Variants in GRM8 observed in about 807,000 individuals in gnomAD.
The protein encoded by GRM8 is metabotropic glutamate receptor 8.
In GRM8, 47 loss-of-function variants were observed where a neutral mutation model predicts 87.2. That is an observed-to-expected ratio of 0.54 (90% CI 0.43 to 0.69). GRM8 has a LOEUF of 0.69. GRM8 is among the 30% of genes least tolerant of loss of function. GRM8 has a pLI of 0.00. For synonymous variants in GRM8, 396 were observed against 404.5 expected, an observed-to-expected ratio of 0.98 and a Z score of 0.25; for missense variants, 1,019 against 1,139.2, an observed-to-expected ratio of 0.89 and a Z score of 1.52.
At chr7:126,609,058 C>T (rs1208839771) in intron 8 of GRM8, among the ~76,000 whole-genome samples, 2 of 151,916 alleles carry the variant, frequency 1.3e-5, no homozygotes, top group African/African-American at 2.4e-5. Flanking sequence ...CACAGACATA[C>T]AAAAAATGTA....
intron 9 of GRM8, among the ~76,000 whole-genome samples, chr7:126,504,604 C>G (rs1428697273): frequency 6.6e-6 from 1 of 151,984 alleles, no homozygotes; most frequent in African/African-American, 2.4e-5. Context: ...CCATGACACA[C>G]AATTTACCTA....
chr7:126,980,395 C>A (rs1051169281), intron 3 of GRM8, among the ~76,000 whole-genome samples: 1 of 152,202 alleles, frequency 6.6e-6, no homozygotes, highest in Non-Finnish European at 1.5e-5. Flanking sequence ...ATTTTGGTTT[C>A]ATTCAAGTGG....
chr7:127,102,132 A>C (rs1825339224), intron 3 of GRM8, among the ~76,000 whole-genome samples: 1 of 152,232 alleles, frequency 6.6e-6, no homozygotes, highest in Admixed American at 6.5e-5. Context: ...TCTATGCAGC[A>C]AAGCATTCAA....
chr7:126,744,985 A>G (rs1815478857), intron 7 of GRM8, among the ~76,000 whole-genome samples: 1 of 151,984 alleles, frequency 6.6e-6, no homozygotes, highest in Admixed American at 6.6e-5. Context: ...TATTTTTAGA[A>G]TGTAACTTAT....
At chr7:126,552,152 C>A (rs1792661313) in intron 8 of GRM8, among the ~76,000 whole-genome samples, 2 of 152,084 alleles carry the variant, frequency 1.3e-5, no homozygotes, top group Non-Finnish European at 2.9e-5. Flanking sequence ...GTTAATTTGT[C>A]CCCGATCACT....
intron 7 of GRM8, among the ~76,000 whole-genome samples, chr7:126,754,714 T>C (rs1057312609): frequency 2.0e-5 from 3 of 151,974 alleles, no homozygotes; most frequent in Non-Finnish European, 1.5e-5. Flanking sequence ...CACACTCCAT[T>C]GTAAACTTAA....
intron 2 of GRM8, among the ~76,000 whole-genome samples, chr7:127,158,725 A>G (rs1792894481): frequency 6.6e-6 from 1 of 151,944 alleles, no homozygotes; most frequent in African/African-American, 2.4e-5. Context: ...GCCTCTTAAT[A>G]CTATTTCATC....
At chr7:126,860,075 T>G (rs1798024402) in intron 6 of GRM8, among the ~76,000 whole-genome samples, 1 of 152,170 alleles carries the variant, frequency 6.6e-6, no homozygotes, top group Non-Finnish European at 1.5e-5. Flanking sequence ...GTGAGTCCCA[T>G]TTTTGCAGAC....
At chr7:126,788,420 A>AAAAAAAACAAAACAAAAAAC in intron 6 of GRM8, among the ~76,000 whole-genome samples, 4 of 81,134 alleles carry the variant, frequency 4.9e-5, no homozygotes, top group Admixed American at 1.7e-4. Flanking sequence ...AAAAAAAAAA[A>AAAAAAAACAAAACAAAAAAC]AAACCCTTTC....
At chr7:127,021,997 T>C (rs894072566) in intron 3 of GRM8, among the ~76,000 whole-genome samples, 6 of 152,116 alleles carry the variant, frequency 3.9e-5, no homozygotes, top group African/African-American at 1.4e-4. Flanking sequence ...TCCTATGTTG[T>C]AGGTGATTAA....
intron 6 of GRM8, among the ~76,000 whole-genome samples, chr7:126,778,840 T>C (rs1031865752): frequency 1.3e-5 from 2 of 151,992 alleles, no homozygotes; most frequent in African/African-American, 4.8e-5. Flanking sequence ...AAAAATACAG[T>C]CTATTTTTTA....
chr7:126,570,351 G>A (rs1474753013), intron 8 of GRM8, among the ~76,000 whole-genome samples: 1 of 152,190 alleles, frequency 6.6e-6, no homozygotes, highest in East Asian at 1.9e-4. Context: ...AGTGGGATAT[G>A]GGTCCTAGAC....
intron 3 of GRM8, among the ~76,000 whole-genome samples, chr7:126,910,140 G>C (rs1268300966): frequency 5.3e-5 from 8 of 152,012 alleles, no homozygotes; most frequent in Non-Finnish European, 1.0e-4. Flanking sequence ...GTGACTTAAA[G>C]TTCTTCAGCA....
At chr7:127,225,355 C>T (rs774971349) in intron 2 of GRM8, among the ~76,000 whole-genome samples, 3 of 152,194 alleles carry the variant, frequency 2.0e-5, no homozygotes, top group Non-Finnish European at 2.9e-5. Context: ...CCCAAAGTGG[C>T]TCCTTGTCAA....
intron 3 of GRM8, among the ~76,000 whole-genome samples, chr7:126,932,239 G>A (rs945328339): frequency 1.1e-4 from 16 of 152,004 alleles, no homozygotes; most frequent in African/African-American, 2.4e-4. Context: ...TGTGGCATTC[G>A]GACATTTATT....
At chr7:127,052,712 A>G (rs1286072392) in intron 3 of GRM8, among the ~76,000 whole-genome samples, 1 of 152,160 alleles carries the variant, frequency 6.6e-6, no homozygotes, top group East Asian at 1.9e-4. Context: ...CTTATCGCTC[A>G]CCCCAACATT....
intron 9 of GRM8, among the ~76,000 whole-genome samples, chr7:126,447,509 C>G (rs1187714683): frequency 6.6e-6 from 1 of 151,924 alleles, no homozygotes; most frequent in Non-Finnish European, 1.5e-5. Flanking sequence ...ATGTTTTAAT[C>G]TGTTAGTCTT....
chr7:126,677,955 T>C (rs1174302240), intron 7 of GRM8, among the ~76,000 whole-genome samples: 1 of 152,180 alleles, frequency 6.6e-6, no homozygotes, highest in Non-Finnish European at 1.5e-5. Context: ...TTTCCTCTGA[T>C]GGAATCCCGA....
chr7:126,859,110 C>A (rs918046345), intron 6 of GRM8, among the ~76,000 whole-genome samples: 1 of 151,930 alleles, frequency 6.6e-6, no homozygotes, highest in Non-Finnish European at 1.5e-5. Context: ...CATCCCCACA[C>A]CCCTGTGCCC....
Sources: allele counts gnomAD v4.1 joint callset (sites outside exome capture counted in the v4.1 genomes callset), GRCh38; gene constraint gnomAD v4.1.1; transcripts MANE v1.5; gene names NCBI Gene and HGNC (gene_info 2026-07-23, HGNC 2026-07-21).